The following SOX13 variants were observed in gnomAD, a reference collection of about 807,000 sequenced individuals.
SOX13 encodes SRY-box transcription factor 13.
A neutral mutation model predicts 71.8 loss-of-function variants in SOX13; 28 were observed. The observed-to-expected ratio is 0.39, with a 90% CI of 0.29 to 0.53. SOX13 has a LOEUF of 0.53. SOX13 is among the 20% of genes least tolerant of loss of function. The pLI is 0.70. For missense variants in SOX13, 627 were observed against 810.3 expected (o/e 0.77, Z 2.75); for synonymous variants, 309 against 317.8 (o/e 0.97, Z 0.29).
intron 1 of SOX13, among the ~76,000 whole-genome samples, chr1:204,103,340 T>A (rs780324640): frequency 1.3e-5 from 2 of 152,202 alleles, no homozygotes; most frequent in Admixed American, 6.5e-5. Flanking sequence ...CCTGTTATTT[T>A]GCACCGAGGA....
chr1:204,124,534 A>G (rs1209441850), intron 12 of SOX13, 107 bp from the exon 13 acceptor site: 30 of 886,770 alleles, frequency 3.4e-5, no homozygotes, highest in Non-Finnish European at 1.2e-5. Flanking sequence ...CACATATATT[A>G]TCTTATGGAC....
chr1:204,077,937 G>A (rs1020324104), intron 1 of SOX13, among the ~76,000 whole-genome samples: 2 of 152,026 alleles, frequency 1.3e-5, no homozygotes, highest in African/African-American at 4.8e-5. Flanking sequence ...TCAGCCTCCC[G>A]AGTAACTGGG....
chr1:204,124,833 A>T lies in SOX13; in HGVS notation c.1568A>T (p.Asp523Val), dbSNP rs1656887026. 2 of 1,576,214 alleles carry T rather than the reference A, an allele frequency of 1.3e-6. No homozygotes were observed. Among genetic ancestry groups the T allele is most frequent in the Non-Finnish European group, 1.7e-6 (2 of 1,161,710 alleles). Residue 523 changes from aspartate (D) to valine (V), a missense_variant, in exon 13 of 14, where the codon GAT becomes GTT. Physicochemically the swap from Asp to Val is radical, Grantham distance 152. This residue lies in a region of SOX13 where 148 missense variants were observed against 192.7 expected (regional missense o/e 0.77). Transcript: ENST00000367204. ...YKALMRTRRQ[D>V]ARQSYVIPPQ... ...GCCCTGATGAGGACCCGGCGTCAGG[A>T]TGCCCGCCAGAGCTACGTGATCCCG...
rs149305931 is a variant in SOX13 at position 204,116,920 on chromosome 1, G to A, written c.592-202G>A. Among the ~76,000 whole-genome samples the A allele has an allele frequency of 2.7e-3, 416 of 152,284 alleles. 3 individuals carry two copies. The highest frequency in any genetic ancestry group is 1.1e-3 in the Non-Finnish European group (76 of 68,008). Reference sequence around the variant, plus strand: ...CAGGAAGAGCAGCTTGCAGCTTCCTGCCCAGCCTCCTGGTCCTGGAGGGAG... The same window carrying A: ...CAGGAAGAGCAGCTTGCAGCTTCCTACCCAGCCTCCTGGTCCTGGAGGGAG... On this transcript the variant is annotated intron_variant, in intron 5 of 13. Coordinates refer to ENST00000367204, the MANE Select transcript of SOX13 (RefSeq NM_005686.3).
intron 1 of SOX13, among the ~76,000 whole-genome samples, chr1:204,080,936 T>A (rs1162277062): frequency 7.1e-6 from 1 of 141,720 alleles, no homozygotes; most frequent in Non-Finnish European, 1.5e-5. Flanking sequence ...TGAGATGGAG[T>A]TTCACTCTTG....
chr1:204,076,755 C>G (rs950533333), intron 1 of SOX13, among the ~76,000 whole-genome samples: 47 of 152,156 alleles, frequency 3.1e-4, no homozygotes, highest in African/African-American at 1.1e-3. Flanking sequence ...TGTTGGAGAT[C>G]CTGCAATTGG....
At chr1:204,094,087 T>C (rs536500199) in intron 1 of SOX13, among the ~76,000 whole-genome samples, 1 of 152,334 alleles carries the variant, frequency 6.6e-6, no homozygotes, top group South Asian at 2.1e-4. Context: ...CAAAATCCCT[T>C]ACACATGTAT....
At chr1:204,076,608 C>G (rs906261442) in intron 1 of SOX13, among the ~76,000 whole-genome samples, 4 of 152,306 alleles carry the variant, frequency 2.6e-5, no homozygotes, top group African/African-American at 9.6e-5. Flanking sequence ...AAGGGGCGAG[C>G]TGAGCAACCA....
rs184554205 is a variant in SOX13, at chr1:204,078,904, G to A, written c.-2+5193G>A. ...TTTAAAAAATGCAAATACTTTCTCTGAGGAGCAGAGATATGGTAGTTCCCT... is the reference window on the plus strand; with the variant it reads ...TTTAAAAAATGCAAATACTTTCTCTAAGGAGCAGAGATATGGTAGTTCCCT... On this transcript the variant is annotated intron_variant, in intron 1 of 13. Coordinates refer to ENST00000367204, the MANE Select transcript of SOX13 (RefSeq NM_005686.3). Among the ~76,000 whole-genome samples the A allele has an allele frequency of 5.8e-4, 89 of 152,326 alleles. 1 individual carries two copies. Among genetic ancestry groups the A allele is most frequent in the African/African-American group, 2.0e-3 (85 of 41,576 alleles).
intron 1 of SOX13, among the ~76,000 whole-genome samples, chr1:204,103,231 C>A (rs1203994999): frequency 6.6e-6 from 1 of 152,242 alleles, no homozygotes; most frequent in East Asian, 1.9e-4. Context: ...GCCTGGGTTT[C>A]TTTTGACTAA....
rs59094119 is a variant in SOX13, at chr1:204,096,239, G to GTTTTTTTTTTTTTTTT, written c.-1-16673_-1-16658dup. 5.9e-5 allele frequency among the ~76,000 whole-genome samples: 5 copies of GTTTTTTTTTTTTTTTT among 85,360 alleles called. 1 individual carries two copies. Among genetic ancestry groups the GTTTTTTTTTTTTTTTT allele is most frequent in the African/African-American group, 9.7e-5 (2 of 20,650 alleles). The allele number at this position is 85,360 out of a possible 152,430, so 56.0% of individuals were successfully genotyped here. A position where few individuals can be genotyped will look rare whatever the true frequency, so the allele number is the denominator to read the frequency against. On this transcript the variant is annotated intron_variant, in intron 1 of 13. Transcript: ENST00000367204. ...CTTTTCTTTTCTTTTTCTTTCTTTC[G>GTTTTTTTTTTTTTTTT]TTTTTTTTTTTTTTTTTTGCGACAG...
intron 7 of SOX13, among the ~76,000 whole-genome samples, chr1:204,121,128 T>C (rs1481132927): frequency 1.3e-5 from 2 of 152,096 alleles, no homozygotes; most frequent in East Asian, 3.9e-4. Context: ...TACAGGCGCG[T>C]GCCACCGCAC....
At position 204,081,879 on chromosome 1, in the gene SOX13, A is replaced by G. The variant is rs899569880; in HGVS notation, c.-2+8168A>G. The stretch of plus-strand genomic sequence containing the variant: ...CCATGAGGGTGGGGTAGGGTGGGGA[A>G]AGAAGGGGGAATAAAATGTAGTGGG... On this transcript the variant is annotated intron_variant, in intron 1 of 13. Transcript: ENST00000367204. The surrounding 1 kb of genome is among the most constrained non-coding windows in gnomAD (Gnocchi z 4.3). Among the ~76,000 whole-genome samples the G allele has an allele frequency of 9.9e-5, 15 of 151,970 alleles. No homozygotes were observed. The highest frequency in any genetic ancestry group is 6.6e-5 in the Admixed American group (1 of 15,262).
At chr1:204,078,351 C>T (rs1655826693) in intron 1 of SOX13, among the ~76,000 whole-genome samples, 1 of 152,162 alleles carries the variant, frequency 6.6e-6, no homozygotes, top group Non-Finnish European at 1.5e-5. Flanking sequence ...GGCAGCTCCC[C>T]TGGGTAAGTC....
chr1:204,116,836 G>A (rs1656705619), intron 5 of SOX13, among the ~76,000 whole-genome samples, 157 bp downstream of exon 5: 1 of 152,174 alleles, frequency 6.6e-6, no homozygotes, highest in Admixed American at 6.5e-5. Context: ...ATTCCCACCT[G>A]GACTGATTCA....
intron 1 of SOX13, among the ~76,000 whole-genome samples, chr1:204,086,308 T>A (rs990597294): frequency 1.1e-4 from 17 of 152,090 alleles, no homozygotes; most frequent in South Asian, 4.2e-4. Flanking sequence ...TTTTAAAAAA[T>A]TTTTTTTGTT....
At chr1:204,121,257 G>T (rs1656798720) in intron 7 of SOX13, among the ~76,000 whole-genome samples, 1 of 152,182 alleles carries the variant, frequency 6.6e-6, no homozygotes, top group South Asian at 2.1e-4. Context: ...AAAGTGCTGG[G>T]ATTACAGGCG....
chr1:204,115,295 A>C lies in SOX13; in HGVS notation c.418+690A>C, dbSNP rs187571477. Among the ~76,000 whole-genome samples, 24 of 151,796 alleles carry C rather than the reference A, an allele frequency of 1.6e-4. No individual in the cohort carries two copies. In the East Asian group the frequency reaches 4.7e-3, roughly 30 times the overall value. ...ATTGCTAGGATTGCAGGCATGAGCC[A>C]CCCACTGCACCCAGCCAGAATGATC... is the stretch of plus-strand genomic sequence containing the variant. On this transcript the variant is annotated intron_variant, in intron 4 of 13. Coordinates refer to ENST00000367204, the MANE Select transcript of SOX13 (RefSeq NM_005686.3).
chr1:204,112,952 CTGGATGGCGT>C lies in SOX13; in HGVS notation c.41_50del (p.Asp14AlafsTer4), dbSNP rs1226676341. On this transcript the variant is annotated frameshift_variant, in exon 2 of 14. Transcript: ENST00000367204. LOFTEE classifies it high-confidence loss of function. The stretch of plus-strand genomic sequence containing the variant: ...GAGCCCCATCTCTGCCCAGCTGGCC[CTGGATGGCGT>C]TGGCACCATGGTGAACTGCACCATC... 6.2e-7 allele frequency: 1 copy of C among 1,613,742 alleles called. No homozygotes were observed. Among genetic ancestry groups the C allele is most frequent in the South Asian group, 1.1e-5 (1 of 91,066 alleles).
Sources: gnomAD v4.1 joint callset for allele counts (sites outside exome capture counted in the v4.1 genomes callset) on GRCh38, gnomAD v4.1.1 for gene constraint, gnomAD v4.1.1 regional missense constraint, Gnocchi (gnomAD v3.1) non-coding constraint, MANE v1.5 for transcripts, NCBI Gene and HGNC (gene_info 2026-07-23, HGNC 2026-07-21) for gene names.